Variants in IL1RAPL2 observed in about 807,000 individuals in gnomAD.
The protein encoded by IL1RAPL2 is interleukin 1 receptor accessory protein like 2, also known as X-linked interleukin-1 receptor accessory protein-like 2.
IL1RAPL2 carries 3 observed loss-of-function variants against 44.1 expected under a neutral mutation model. That is an observed-to-expected ratio of 0.07 (90% CI 0.03 to 0.18). The LOEUF (loss-of-function observed/expected upper bound fraction) is 0.18. Among genes scored for constraint, IL1RAPL2 ranks in the 10% least tolerant of loss-of-function variants. The pLI is 1.00. For synonymous variants in IL1RAPL2, 181 were observed against 178.8 expected (o/e 1.01, Z -0.10); for missense variants, 391 against 496.4 (o/e 0.79, Z 2.02).
chrX:105,081,331 T>G (rs982891431), intron 2 of IL1RAPL2, among the ~76,000 whole-genome samples: 2 of 111,683 alleles, frequency 1.8e-5, no homozygotes, highest in African/African-American at 3.3e-5. Flanking sequence ...TTTTGCCCAT[T>G]CAGTAAGAAA....
chrX:105,613,604 A>T (rs1445597993), intron 6 of IL1RAPL2, among the ~76,000 whole-genome samples: 1 of 111,651 alleles, frequency 9.0e-6, no homozygotes, highest in East Asian at 2.8e-4. Flanking sequence ...AGGGGAGACC[A>T]AGGCCCTAAA....
intron 2 of IL1RAPL2, among the ~76,000 whole-genome samples, chrX:105,012,816 T>C (rs1282845387): frequency 1.8e-5 from 2 of 110,921 alleles, no homozygotes; most frequent in Non-Finnish European, 3.8e-5. Context: ...TTTTCTTTTA[T>C]TGTAGTTTCT....
intron 2 of IL1RAPL2, among the ~76,000 whole-genome samples, chrX:104,960,129 G>A (rs1364041324): frequency 8.9e-6 from 1 of 112,029 alleles, no homozygotes; most frequent in Non-Finnish European, 1.9e-5. Flanking sequence ...CAGTGAAAGG[G>A]TTCAATCACT....
chrX:104,911,057 A>G (rs1324747985), intron 2 of IL1RAPL2, among the ~76,000 whole-genome samples: 1 of 112,205 alleles, frequency 8.9e-6, no homozygotes, highest in African/African-American at 3.2e-5. Context: ...ACATATTAAT[A>G]GAATGTATAA....
intron 2 of IL1RAPL2, among the ~76,000 whole-genome samples, chrX:104,784,655 A>C (rs1283113247): frequency 1.8e-5 from 2 of 110,157 alleles, no homozygotes; most frequent in Non-Finnish European, 1.9e-5. Flanking sequence ...GATCTCCTCC[A>C]CTGAGATCTG....
At chrX:105,471,036 A>G (rs1020534880) in intron 5 of IL1RAPL2, among the ~76,000 whole-genome samples, 2 of 111,940 alleles carry the variant, frequency 1.8e-5, no homozygotes, top group Non-Finnish European at 3.8e-5. Flanking sequence ...ACTGTGGGGT[A>G]ATTAATTGGG....
At chrX:105,354,784 C>T (rs1350588890) in intron 5 of IL1RAPL2, among the ~76,000 whole-genome samples, 2 of 111,623 alleles carry the variant, frequency 1.8e-5, no homozygotes, top group Non-Finnish European at 3.8e-5. Context: ...TATTACCATA[C>T]CTCAATGTCA....
intron 6 of IL1RAPL2, among the ~76,000 whole-genome samples, chrX:105,620,378 C>T (rs183161516): frequency 1.8e-5 from 2 of 111,194 alleles, no homozygotes; most frequent in Non-Finnish European, 3.8e-5. Flanking sequence ...ATTTCCTCCA[C>T]GTTTAACCTC....
intron 2 of IL1RAPL2, among the ~76,000 whole-genome samples, chrX:104,898,797 T>C (rs1261081679): frequency 1.8e-5 from 2 of 111,763 alleles, no homozygotes; most frequent in Admixed American, 9.5e-5. Flanking sequence ...AAGTCCTCCA[T>C]TGATGATAAT....
At chrX:104,816,183 T>C (rs1569319802) in intron 2 of IL1RAPL2, among the ~76,000 whole-genome samples, 1 of 111,871 alleles carries the variant, frequency 8.9e-6, no homozygotes, top group Non-Finnish European at 1.9e-5. Flanking sequence ...TTTCCCTAAC[T>C]TGCTTTGGTC....
chrX:105,168,134 A>G (rs1386384778), intron 2 of IL1RAPL2, among the ~76,000 whole-genome samples: 1 of 112,046 alleles, frequency 8.9e-6, no homozygotes, highest in African/African-American at 3.3e-5. Context: ...TGATGCCAAC[A>G]CATTGATCCA....
intron 2 of IL1RAPL2, among the ~76,000 whole-genome samples, chrX:104,734,651 C>T (rs1288222404): frequency 9.0e-6 from 1 of 111,439 alleles, no homozygotes. Context: ...AGTGTGACTA[C>T]AAAGGGATGG....
intron 2 of IL1RAPL2, among the ~76,000 whole-genome samples, chrX:104,816,625 C>T (rs897284231): frequency 4.5e-5 from 5 of 112,014 alleles, no homozygotes; most frequent in African/African-American, 1.3e-4. Flanking sequence ...ATTTGATAGT[C>T]AAATGTCGTG....
chrX:104,630,825 G>GT (rs199714038), intron 1 of IL1RAPL2, among the ~76,000 whole-genome samples: 3,370 of 100,930 alleles, frequency 0.033, 147 homozygotes, highest in African/African-American at 0.11. Flanking sequence ...ATTCATTAGT[G>GT]TTTTTTTTTT....
At chrX:105,642,998 G>T (rs2037579982) in intron 6 of IL1RAPL2, among the ~76,000 whole-genome samples, 1 of 112,703 alleles carries the variant, frequency 8.9e-6, no homozygotes, top group African/African-American at 3.2e-5. Flanking sequence ...ATTTCCCTTT[G>T]GGCTTTTAGA....
chrX:105,766,822 A>G (rs1602563081), intron 10 of IL1RAPL2, 142 bp from the exon 11 acceptor site: 14 of 359,848 alleles, frequency 3.9e-5, no homozygotes. Context: ...AGTTTTAAGG[A>G]GGGGAATGTA....
chrX:104,647,553 C>T (rs1569289113), intron 1 of IL1RAPL2: 3 of 514,146 alleles, frequency 5.8e-6, no homozygotes, highest in Non-Finnish European at 1.1e-5. Context: ...TTGTCACTCA[C>T]CTGCCTGGAG....
At position 104,857,038 on chromosome X, in the gene IL1RAPL2, T is replaced by C. The variant is rs141751869; in HGVS notation, c.82+198043T>C. Reference sequence around the variant, plus strand: ...CTGCCTTTTATGGTTTACAAAGCAATTGAAGACATTCCCACAATGCCATAT... The same window carrying C: ...CTGCCTTTTATGGTTTACAAAGCAACTGAAGACATTCCCACAATGCCATAT... On this transcript the variant is annotated intron_variant, in intron 2 of 10. Coordinates refer to ENST00000372582, the MANE Select transcript of IL1RAPL2 (RefSeq NM_017416.2). Among the ~76,000 whole-genome samples the C allele has an allele frequency of 6.5e-3, 727 of 112,345 alleles. 3 individuals carry two copies. The highest frequency in any genetic ancestry group is 0.022 in the African/African-American group (692 of 30,996).
chrX:105,124,231 A>T (rs780959048), intron 2 of IL1RAPL2, among the ~76,000 whole-genome samples: 35 of 110,495 alleles, frequency 3.2e-4, no homozygotes, highest in Non-Finnish European at 5.0e-4. Context: ...TTAAAACAGT[A>T]ATTTTGTTTT....
Sources: gnomAD v4.1 joint callset for allele counts (sites outside exome capture counted in the v4.1 genomes callset) on GRCh38, gnomAD v4.1.1 for gene constraint, MANE v1.5 for transcripts, NCBI Gene and HGNC (gene_info 2026-07-23, HGNC 2026-07-21) for gene names.